The following TENM3 variants were observed in gnomAD, a reference collection of about 807,000 sequenced individuals.
TENM3 encodes teneurin transmembrane protein 3, also known as teneurin-3.
TENM3 carries 63 observed loss-of-function variants against 255.1 expected under a neutral mutation model. The observed-to-expected ratio is 0.25, with a 90% CI of 0.20 to 0.30. The LOEUF (loss-of-function observed/expected upper bound fraction) is 0.30. Among genes scored for constraint, TENM3 ranks in the 10% least tolerant of loss-of-function variants. The pLI is 1.00. For missense variants in TENM3, 2,929 were observed against 3,461.1 expected (o/e 0.85, Z 3.86); for synonymous variants, 1,306 against 1,322.3 (o/e 0.99, Z 0.27).
the TENM3 span, among the ~76,000 whole-genome samples, chr4:181,772,305 G>A: frequency 6.6e-6 from 1 of 151,990 alleles, no homozygotes; most frequent in Non-Finnish European, 1.5e-5. Context: ...TTGAACCCGG[G>A]AGATGGAGGT....
At chr4:182,453,224 A>G (rs1485747849) in intron 3 of TENM3, among the ~76,000 whole-genome samples, 1 of 152,088 alleles carries the variant, frequency 6.6e-6, no homozygotes, top group Non-Finnish European at 1.5e-5. Context: ...AAATTTTACT[A>G]TTGGCAGTTG....
intron 13 of TENM3, among the ~76,000 whole-genome samples, chr4:182,727,496 G>A (rs1760309056): frequency 1.3e-5 from 2 of 149,324 alleles, no homozygotes; most frequent in Non-Finnish European, 3.0e-5. Flanking sequence ...CAACTGGTCA[G>A]TAAAGCCTGA....
chr4:181,554,194 C>T, the TENM3 span, among the ~76,000 whole-genome samples: 39,326 of 152,036 alleles, frequency 0.26, 5,711 homozygotes, highest in African/African-American at 0.38. Context: ...TTGGCACTTA[C>T]GTAATTACTA....
At chr4:181,462,131 C>G in the TENM3 span, among the ~76,000 whole-genome samples, 17 of 152,034 alleles carry the variant, frequency 1.1e-4, no homozygotes, top group Admixed American at 9.8e-4. Flanking sequence ...AAGTGATATC[C>G]CATTTGAGAA....
At chr4:182,327,326 T>C (rs1763476193) in intron 2 of TENM3, among the ~76,000 whole-genome samples, 1 of 151,344 alleles carries the variant, frequency 6.6e-6, no homozygotes, top group Admixed American at 6.6e-5. Flanking sequence ...TTTTTGTCCA[T>C]GGAGTTTTAA....
At chr4:182,194,833 G>T (rs1219209939) in intron 1 of TENM3, among the ~76,000 whole-genome samples, 1 of 152,112 alleles carries the variant, frequency 6.6e-6, no homozygotes, top group Non-Finnish European at 1.5e-5. Flanking sequence ...ATTTCATAAT[G>T]AATTCAAATA....
chr4:181,777,995 C>CT, the TENM3 span, among the ~76,000 whole-genome samples: 27 of 152,218 alleles, frequency 1.8e-4, no homozygotes, highest in African/African-American at 5.8e-4. Flanking sequence ...CTACCCGTTA[C>CT]TTATGCTGTA....
upstream of TENM3, among the ~76,000 whole-genome samples, chr4:182,239,553 A>C (rs529868425): frequency 6.6e-6 from 1 of 152,232 alleles, no homozygotes; most frequent in Non-Finnish European, 1.5e-5. Flanking sequence ...AAACTTTGAC[A>C]TTGTCATACA....
At chr4:181,955,999 A>G in the TENM3 span, among the ~76,000 whole-genome samples, 1 of 152,326 alleles carries the variant, frequency 6.6e-6, no homozygotes, top group Admixed American at 6.5e-5. Context: ...CATAAACTGC[A>G]TAGCTTATAA....
At chr4:182,411,719 C>T (rs1169263213) in intron 3 of TENM3, among the ~76,000 whole-genome samples, 1 of 152,154 alleles carries the variant, frequency 6.6e-6, no homozygotes, top group African/African-American at 2.4e-5. Flanking sequence ...ATTTTCCGTA[C>T]TATGCGTTAT....
chr4:182,442,811 C>T (rs1291442464), intron 3 of TENM3, among the ~76,000 whole-genome samples: 2 of 146,570 alleles, frequency 1.4e-5, no homozygotes, highest in African/African-American at 5.2e-5. Context: ...TGTGTATATA[C>T]ACATATATAT....
Position 182,670,843 on chromosome 4 carries a change from T to A in TENM3, c.1112-2162T>A, listed in dbSNP as rs115690390. 1.2e-3 allele frequency among the ~76,000 whole-genome samples: 176 copies of A among 152,218 alleles called. 1 individual carries two copies. The highest frequency in any genetic ancestry group is 4.0e-3 in the African/African-American group (168 of 41,520). On this transcript the variant is annotated intron_variant, in intron 6 of 27. Coordinates refer to ENST00000511685, the MANE Select transcript of TENM3 (RefSeq NM_001080477.4). ...CACCCCACCACCACACAAGAATAAG[T>A]GTGTTTGAGGCATCGAAATGCAATT...
chr4:182,229,552 A>T (rs1440600813), intron 1 of TENM3, among the ~76,000 whole-genome samples: 1 of 152,006 alleles, frequency 6.6e-6, no homozygotes, highest in Non-Finnish European at 1.5e-5. Context: ...AAGAGAGCAA[A>T]ATTTTGTTTT....
chr4:182,019,822 A>G, the TENM3 span, among the ~76,000 whole-genome samples: 4 of 151,958 alleles, frequency 2.6e-5, no homozygotes, highest in Non-Finnish European at 5.9e-5. Flanking sequence ...ATGACACCAC[A>G]TCCAGCTAAT....
chr4:182,350,500 A>C (rs1054093158), intron 3 of TENM3, among the ~76,000 whole-genome samples: 4 of 152,176 alleles, frequency 2.6e-5, no homozygotes, highest in Non-Finnish European at 5.9e-5. Context: ...TTTGTAGTGG[A>C]CTGCCACACA....
At chr4:181,681,580 C>T in the TENM3 span, among the ~76,000 whole-genome samples, 4 of 152,244 alleles carry the variant, frequency 2.6e-5, no homozygotes, top group East Asian at 7.7e-4. Flanking sequence ...CTAATGCTTA[C>T]TCTGTCTAGA....
At chr4:182,382,353 A>G (rs1406326695) in intron 3 of TENM3, among the ~76,000 whole-genome samples, 1 of 51,744 alleles carries the variant, frequency 1.9e-5, no homozygotes, top group Non-Finnish European at 3.4e-5. Flanking sequence ...TTTTTGCACC[A>G]TTTCTTGTTT....
chr4:181,875,694 C>T, the TENM3 span, among the ~76,000 whole-genome samples: 2 of 152,044 alleles, frequency 1.3e-5, no homozygotes, highest in African/African-American at 4.8e-5. Flanking sequence ...GTTCAGAGCC[C>T]TGGGTTGGTG....
the TENM3 span, among the ~76,000 whole-genome samples, chr4:181,724,148 G>C: frequency 6.6e-6 from 1 of 152,230 alleles, no homozygotes. Flanking sequence ...GGCGTTTGAT[G>C]CTTAGAGAAC....
Sources: allele counts gnomAD v4.1 joint callset (sites outside exome capture counted in the v4.1 genomes callset), GRCh38; gene constraint gnomAD v4.1.1; transcripts MANE v1.5; gene names NCBI Gene and HGNC (gene_info 2026-07-23, HGNC 2026-07-21).